APLP2: variants seen among roughly 807,000 people sequenced by gnomAD.
The protein encoded by APLP2 is amyloid beta precursor like protein 2.
In APLP2, 53 loss-of-function variants were observed where a neutral mutation model predicts 89.9. The observed-to-expected ratio is 0.59, with a 90% CI of 0.47 to 0.74. APLP2 has a LOEUF of 0.74. Among genes scored for constraint, APLP2 ranks in the 30% least tolerant of loss-of-function variants. The pLI is 0.00. For synonymous variants in APLP2, 372 were observed against 348.6 expected, an observed-to-expected ratio of 1.07 and a Z score of -0.75; for missense variants, 973 against 975.9, an observed-to-expected ratio of 1.00 and a Z score of 0.04.
At chr11:130,073,077 T>G (rs1428508055) in intron 1 of APLP2, among the ~76,000 whole-genome samples, 3 of 151,180 alleles carry the variant, frequency 2.0e-5, no homozygotes, top group Non-Finnish European at 4.4e-5. Flanking sequence ...ACTTTTAAAC[T>G]GTACATTTTA....
At chr11:130,107,574 C>A (rs1223593422) in intron 1 of APLP2, among the ~76,000 whole-genome samples, 2 of 152,152 alleles carry the variant, frequency 1.3e-5, no homozygotes, top group Non-Finnish European at 2.9e-5. Flanking sequence ...AGGACACAAA[C>A]AAATGGAAGA....
intron 7 of APLP2, among the ~76,000 whole-genome samples, chr11:130,124,333 C>A (rs754913020): frequency 1.3e-5 from 2 of 152,166 alleles, no homozygotes; most frequent in Non-Finnish European, 2.9e-5. Flanking sequence ...GGTAGTGACT[C>A]ACTCTGTTTC....
At chr11:130,138,588 T>G (rs1411091305) in intron 13 of APLP2, among the ~76,000 whole-genome samples, 4 of 139,788 alleles carry the variant, frequency 2.9e-5, no homozygotes, top group Non-Finnish European at 4.6e-5. Flanking sequence ...TAGGTTTTTT[T>G]TTTTTTTTTT....
intron 11 of APLP2, among the ~76,000 whole-genome samples, chr11:130,133,006 TTAG>T (rs961122671): frequency 1.3e-5 from 2 of 151,058 alleles, no homozygotes; most frequent in Non-Finnish European, 2.9e-5. Context: ...CTCAATATAA[TTAG>T]TAGTAAGTGC....
chr11:130,109,378 C>A, intron 1 of APLP2, 51 bp from the exon 2 acceptor site: 1 of 1,538,962 alleles, frequency 6.5e-7, no homozygotes, highest in South Asian at 1.2e-5. Flanking sequence ...TGACTGTTGC[C>A]TCTGTGCTAG....
In APLP2 at chr11:130,123,102, C is replaced by T. The variant is rs1053678938; in HGVS notation, c.923-510C>T. 5.9e-5 allele frequency among the ~76,000 whole-genome samples: 9 copies of T among 152,034 alleles called. No homozygotes were observed. Among genetic ancestry groups the T allele is most frequent in the Middle Eastern group, 6.8e-3 (2 of 294 alleles). ...CGTATATTTGAAACCAATTAAGATG[C>T]GAAGAATTATTTAGGACCCAAGTTG... is the stretch of plus-strand genomic sequence containing the variant. On this transcript the variant is annotated intron_variant, in intron 6 of 16. Transcript: ENST00000338167. The surrounding 1 kb of genome is among the most constrained non-coding windows in gnomAD (Gnocchi z 4.0).
Position 130,110,525 on chromosome 11 carries a change from GT to G in APLP2, c.280-9del. 1 of 1,611,842 alleles carries G rather than the reference GT, an allele frequency of 6.2e-7. No homozygotes were observed. Among genetic ancestry groups the G allele is most frequent in the South Asian group, 1.1e-5 (1 of 90,862 alleles). On this transcript the variant is annotated splice_polypyrimidine_tract_variant and intron_variant, in intron 2 of 16. Coordinates refer to ENST00000338167, the MANE Select transcript of APLP2 (RefSeq NM_001142276.2). Reference sequence around the variant, plus strand: ...AGATTGATTTATTGTGTGTGTGTTTGTTTTCTTAACAGATGTATCCAGAGCT... The same window carrying G: ...AGATTGATTTATTGTGTGTGTGTTTGTTTCTTAACAGATGTATCCAGAGCT...
chr11:130,109,436 C>T lies in APLP2; in HGVS notation c.113C>T (p.Ala38Val), dbSNP rs1003823580. ...TTTTTTTCCCTTTGGTAGGCTCTTG[C>T]AGCCAATGCCGGAACAGGATTTGCT... is the stretch of plus-strand genomic sequence containing the variant. ...LALAGYIEAL[A>V]ANAGTGFAVA... Residue 38 changes from alanine (A) to valine (V), a missense_variant, in exon 2 of 17, where the codon GCA (alanine) becomes GTA (valine). Ala to Val is a moderately conservative substitution (Grantham distance 64). Transcript: ENST00000338167. 4 of 1,609,492 alleles carry T rather than the reference C, an allele frequency of 2.5e-6. No individual in the cohort carries two copies. The highest frequency in any genetic ancestry group is 3.4e-6 in the Non-Finnish European group (4 of 1,178,020).
In APLP2 at chr11:130,130,062, C is replaced by G. The variant is rs756376622; in HGVS notation, c.1480C>G (p.Arg494Gly). ...GCCTCATCGCATTCTCCAGGCCTTA[C>G]GGCGTTATGTCCGTGCTGAGAACAA... ...PRPHRILQAL[R>G]RYVRAENKDR... Residue 494 changes from arginine (R) to glycine (G), a missense_variant, in exon 11 of 17, where the codon CGG becomes GGG. Coordinates refer to ENST00000338167, the MANE Select transcript of APLP2 (RefSeq NM_001142276.2). 1 of 1,614,074 alleles carries G rather than the reference C, an allele frequency of 6.2e-7. No homozygotes were observed. The highest frequency in any genetic ancestry group is 8.5e-7 in the Non-Finnish European group (1 of 1,180,000).
chr11:130,080,742 G>T (rs1445674783), intron 1 of APLP2, among the ~76,000 whole-genome samples: 4 of 148,288 alleles, frequency 2.7e-5, no homozygotes, highest in Non-Finnish European at 5.9e-5. Context: ...TGTTGCCCAG[G>T]CTGGAGTGCA....
chr11:130,128,979 C>A, intron 9 of APLP2, 69 bp from the exon 10 acceptor site: 1 of 1,541,024 alleles, frequency 6.5e-7, no homozygotes. Context: ...GCACTGGGGT[C>A]TCAGGGTGCT....
Position 130,123,683 on chromosome 11 carries a change from A to C in APLP2, c.994A>C (p.Lys332Gln). 1.2e-6 allele frequency: 2 copies of C among 1,614,252 alleles called. No homozygotes were observed. The highest frequency in any genetic ancestry group is 1.7e-6 in the Non-Finnish European group (2 of 1,180,048). ...GCCTCGTTGGTACTTCGACCTCTCC[A>C]AGGGAAAGTGCGTGCGCTTTATATA... Reference protein sequence around the residue: ...VMPRWYFDLSKGKCVRFIYGG... With the variant: ...VMPRWYFDLSQGKCVRFIYGG... The change falls in exon 7 of 17, where the codon AAG becomes CAG. Residue 332 changes from lysine to glutamine, a missense_variant. By Grantham distance (53) the Lys-to-Gln change is moderately conservative. Coordinates refer to ENST00000338167, the MANE Select transcript of APLP2 (RefSeq NM_001142276.2). This position sits in a 1 kb window ranked among gnomAD's most constrained non-coding sequence, Gnocchi z 4.0.
chr11:130,108,151 A>G (rs1948048469), intron 1 of APLP2, among the ~76,000 whole-genome samples: 1 of 152,262 alleles, frequency 6.6e-6, no homozygotes, highest in Admixed American at 6.5e-5. Context: ...GGACATAGGC[A>G]TGGGCAAGGA....
chr11:130,076,032 T>C (rs186704945), intron 1 of APLP2, among the ~76,000 whole-genome samples: 1 of 152,248 alleles, frequency 6.6e-6, no homozygotes, highest in Non-Finnish European at 1.5e-5. Flanking sequence ...TTCTTTCGCA[T>C]CATTCAAATG....
chr11:130,130,018 A>T lies in APLP2; in HGVS notation c.1456-20A>T. On this transcript the variant is annotated intron_variant, in intron 10 of 16. Transcript: ENST00000338167. ...AATTCTCTAGTCTCTGGATATTAAA[A>T]CAACTGTTCTCTCTTGCAGCCTCAT... 2 of 1,610,856 alleles carry T rather than the reference A, an allele frequency of 1.2e-6. No individual in the cohort carries two copies. Among genetic ancestry groups the T allele is most frequent in the Admixed American group, 1.7e-5 (1 of 59,702 alleles).
chr11:130,081,423 T>A (rs1943133984), intron 1 of APLP2, among the ~76,000 whole-genome samples: 1 of 152,360 alleles, frequency 6.6e-6, no homozygotes, highest in Admixed American at 6.5e-5. Flanking sequence ...GAACTGTTAC[T>A]TGACTATTTT....
chr11:130,104,524 G>A (rs575882851), intron 1 of APLP2, among the ~76,000 whole-genome samples: 166 of 152,136 alleles, frequency 1.1e-3, no homozygotes, highest in Non-Finnish European at 1.7e-3. Flanking sequence ...GGCTTGGTAT[G>A]CATCTTGAAC....
chr11:130,094,398 A>G (rs1184434945), intron 1 of APLP2, among the ~76,000 whole-genome samples: 3 of 152,022 alleles, frequency 2.0e-5, no homozygotes, highest in African/African-American at 7.2e-5. Context: ...GATGTTGGCC[A>G]GGCTGGTCTT....
intron 1 of APLP2, among the ~76,000 whole-genome samples, chr11:130,089,696 A>G (rs994496795): frequency 6.6e-6 from 1 of 152,254 alleles, no homozygotes; most frequent in Non-Finnish European, 1.5e-5. Flanking sequence ...TCTGGAGGCT[A>G]GAAGTCCCAG....
Sources: allele counts gnomAD v4.1 joint callset (sites outside exome capture counted in the v4.1 genomes callset), GRCh38; gene constraint gnomAD v4.1.1; non-coding constraint Gnocchi (gnomAD v3.1); transcripts MANE v1.5; gene names NCBI Gene and HGNC (gene_info 2026-07-23, HGNC 2026-07-21).